CCDC138: variants seen among roughly 807,000 people sequenced by gnomAD.
CCDC138 encodes coiled-coil domain-containing protein 138.
CCDC138 carries 66 observed loss-of-function variants against 82.3 expected under a neutral mutation model. That is an observed-to-expected ratio of 0.80 (90% confidence interval 0.66 to 0.98). CCDC138 has a LOEUF of 0.98. Ranked by LOEUF, CCDC138 falls within the 50% of genes least tolerant of loss-of-function variation. CCDC138 has a pLI of 0.00. For synonymous variants in CCDC138, 297 were observed against 265.4 expected, an observed-to-expected ratio of 1.12 and a Z score of -1.16; for missense variants, 816 against 758.9, an observed-to-expected ratio of 1.08 and a Z score of -0.88.
chr2:108,856,618 T>C (rs907735778), intron 12 of CCDC138, 176 bp from the exon 13 acceptor site: 2 of 166,110 alleles, frequency 1.2e-5, no homozygotes, highest in Non-Finnish European at 1.2e-5. Flanking sequence ...CCTCTCTCCT[T>C]ACCCATTTGA....
At chr2:108,879,437 G>A (rs887684208), downstream of CCDC138, among the ~76,000 whole-genome samples, 1 of 152,172 alleles carries the variant, frequency 6.6e-6, no homozygotes, top group Non-Finnish European at 1.5e-5. Flanking sequence ...CAGTTAGCAT[G>A]AATCTGGTAT....
rs184339165 is a variant in CCDC138, at chr2:108,848,691, C to A, written c.1516+1761C>A. On this transcript the variant is annotated intron_variant, in intron 12 of 14. Transcript: ENST00000295124. The stretch of plus-strand genomic sequence containing the variant: ...TTGCAACAAATGCGATGATTTATAA[C>A]AAGTAAAACAGCAACACTGGGGCAG... Among the ~76,000 whole-genome samples, 73 of 152,194 alleles carry A rather than the reference C, an allele frequency of 4.8e-4. 2 individuals are homozygous for A. In the South Asian group the frequency reaches 7.4e-3, roughly 16 times the overall value.
Position 108,806,986 on chromosome 2 carries a change from T to G in CCDC138, c.855+1978T>G, listed in dbSNP as rs558420507. Among the ~76,000 whole-genome samples the G allele has an allele frequency of 5.7e-4, 87 of 152,328 alleles. 2 individuals are homozygous for G. Among genetic ancestry groups the G allele is most frequent in the South Asian group, 1.0e-3 (5 of 4,826 alleles). On this transcript the variant is annotated intron_variant, in intron 7 of 14. Coordinates refer to ENST00000295124, the MANE Select transcript of CCDC138 (RefSeq NM_144978.3). Reference sequence around the variant, plus strand: ...GACAGAACTTTCCTAAACTGAAACCTGGCCTTGATTAAGTGCAGTTCCTGA... The same window carrying G: ...GACAGAACTTTCCTAAACTGAAACCGGGCCTTGATTAAGTGCAGTTCCTGA...
Position 108,804,259 on chromosome 2 carries a change from A to G in CCDC138, c.736-630A>G, listed in dbSNP as rs553270322. 3.4e-4 allele frequency among the ~76,000 whole-genome samples: 52 copies of G among 152,334 alleles called. 2 individuals are homozygous for G. In the South Asian group the frequency reaches 7.2e-3, roughly 21 times the overall value. On this transcript the variant is annotated intron_variant, in intron 6 of 14. Transcript: ENST00000295124. ...AAAGGTGAAACTATTAAGTATTCAC[A>G]TTTAAAATCTAAAACATGCTATCCC...
intron 11 of CCDC138, among the ~76,000 whole-genome samples, chr2:108,843,657 A>T (rs755608622): frequency 2.0e-5 from 3 of 151,850 alleles, no homozygotes; most frequent in Non-Finnish European, 4.4e-5. Context: ...TATTTTCCCC[A>T]TATATGTAAG....
chr2:108,829,398 A>G (rs1287523396), intron 10 of CCDC138, among the ~76,000 whole-genome samples: 2 of 152,152 alleles, frequency 1.3e-5, no homozygotes, highest in African/African-American at 2.4e-5. Flanking sequence ...TAACATCACT[A>G]CTCTCTAAGG....
chr2:108,865,803 A>T (rs1237673278), intron 13 of CCDC138, among the ~76,000 whole-genome samples: 1 of 152,092 alleles, frequency 6.6e-6, no homozygotes, highest in African/African-American at 2.4e-5. Flanking sequence ...TTACTCCGTG[A>T]TGAGCCAGAG....
chr2:108,797,212 A>G (rs1400896762), intron 5 of CCDC138, among the ~76,000 whole-genome samples: 2 of 152,178 alleles, frequency 1.3e-5, no homozygotes, highest in Admixed American at 6.5e-5. Flanking sequence ...CATAAGGAAT[A>G]TTAGTAATTA....
At position 108,786,999 on chromosome 2, in the gene CCDC138, G is replaced by A. The variant is rs13415653; in HGVS notation, c.93+84G>A. On this transcript the variant is annotated intron_variant, in intron 1 of 14. Transcript: ENST00000295124. ...CGTGCCCCGCGCAGCCGGCCTGGGG[G>A]CGCGCAGCGGCTCTGGTCCCGGCCC... The A allele has an allele frequency of 6.7e-3, 6,184 of 917,492 alleles. 272 individuals are homozygous for A. In the African/African-American group the frequency reaches 0.094, roughly 14 times the overall value. 56.8% of individuals were successfully genotyped at this position (917,492 alleles called of 1,614,324 possible).
intron 12 of CCDC138, among the ~76,000 whole-genome samples, chr2:108,856,114 T>C (rs532372922): frequency 1.3e-5 from 2 of 152,194 alleles, no homozygotes; most frequent in East Asian, 1.9e-4. Context: ...ATGATTCTGC[T>C]TAAATTAGTG....
chr2:108,828,958 A>G (rs113568388), intron 10 of CCDC138, among the ~76,000 whole-genome samples: 3,530 of 152,204 alleles, frequency 0.023, 140 homozygotes, highest in African/African-American at 0.081. Flanking sequence ...AGCCCAGGTG[A>G]CAGTGTGAGA....
chr2:108,882,953 T>G (rs1162358767), intron 2 of CCDC138: 1 of 150,450 alleles, frequency 6.6e-6, no homozygotes, highest in African/African-American at 2.5e-5. Context: ...TTAAAGGGTG[T>G]GAGGTAGGGG....
chr2:108,787,686 C>G (rs1001941488), intron 1 of CCDC138, among the ~76,000 whole-genome samples: 6 of 152,060 alleles, frequency 3.9e-5, no homozygotes, highest in African/African-American at 1.2e-4. Context: ...GGAACAGGTT[C>G]ACAGCCTTTG....
intron 7 of CCDC138, among the ~76,000 whole-genome samples, chr2:108,805,410 A>C (rs1449359983): frequency 6.6e-6 from 1 of 152,180 alleles, no homozygotes; most frequent in Non-Finnish European, 1.5e-5. Flanking sequence ...AACTGGTATC[A>C]CATTGCAGTA....
Position 108,786,781 on chromosome 2 carries a change from T to TG in CCDC138, c.-41dup. 2.0e-6 allele frequency: 3 copies of TG among 1,536,000 alleles called. No individual in the cohort carries two copies. ...CGGCCGCGTAGCGCCGCGGGTTTGA[T>TG]GAACGCGGTTCCCGGGGAGACTGGT... On this transcript the variant is annotated 5_prime_UTR_variant, in exon 1 of 15. Coordinates refer to ENST00000295124, the MANE Select transcript of CCDC138 (RefSeq NM_144978.3).
chr2:108,867,703 A>G (rs1694629498), intron 13 of CCDC138, among the ~76,000 whole-genome samples: 1 of 151,950 alleles, frequency 6.6e-6, no homozygotes, highest in South Asian at 2.1e-4. Flanking sequence ...TATTCATACT[A>G]TTGCTTTTTT....
At chr2:108,804,820 C>T (rs1418011380) in intron 6 of CCDC138, 69 bp from the exon 7 acceptor site, 14 of 1,318,874 alleles carry the variant, frequency 1.1e-5, no homozygotes, top group Admixed American at 3.0e-5. Context: ...AATTAATTCA[C>T]GTTCCATAGT....
intron 13 of CCDC138, among the ~76,000 whole-genome samples, chr2:108,865,329 T>TG: frequency 6.6e-6 from 1 of 152,316 alleles, no homozygotes; most frequent in African/African-American, 2.4e-5. Context: ...AGTGTGTACA[T>TG]GTGGGAGCTT....
intron 4 of CCDC138, among the ~76,000 whole-genome samples, chr2:108,792,657 A>G (rs1489540763): frequency 2.0e-5 from 3 of 152,206 alleles, no homozygotes; most frequent in African/African-American, 4.8e-5. Context: ...TAAAAAATTC[A>G]TACTATGTTT....
Sources: gnomAD v4.1 joint callset for allele counts (sites outside exome capture counted in the v4.1 genomes callset) on GRCh38, gnomAD v4.1.1 for gene constraint, MANE v1.5 for transcripts, NCBI Gene and HGNC (gene_info 2026-07-23, HGNC 2026-07-21) for gene names.